Variants in CDH18 observed in about 807,000 individuals in gnomAD.
CDH18 encodes cadherin-18.
A neutral mutation model predicts 67.9 loss-of-function variants in CDH18; 31 were observed. The observed-to-expected ratio is 0.46, with a 90% confidence interval of 0.34 to 0.62. The LOEUF (loss-of-function observed/expected upper bound fraction) is 0.62, where lower values mean the gene tolerates loss of function less well. Ranked by LOEUF, CDH18 falls within the 20% of genes least tolerant of loss-of-function variation. CDH18 has a pLI of 0.01. For missense variants in CDH18, 890 were observed against 975.5 expected (o/e 0.91, Z 1.17); for synonymous variants, 362 against 347.2 (o/e 1.04, Z -0.48).
At chr5:20,447,313 C>G (rs1312601019) in intron 1 of CDH18, among the ~76,000 whole-genome samples, 1 of 151,540 alleles carries the variant, frequency 6.6e-6, no homozygotes, top group Non-Finnish European at 1.5e-5. Flanking sequence ...TATTAAGAGG[C>G]GAAGCCTTTA....
intron 4 of CDH18, among the ~76,000 whole-genome samples, chr5:19,726,888 AG>A (rs1766915164): frequency 6.6e-6 from 1 of 152,114 alleles, no homozygotes; most frequent in Non-Finnish European, 1.5e-5. Context: ...CTTTATTAAG[AG>A]ATTAGTAACT....
chr5:19,851,850 T>C (rs1281084928), intron 2 of CDH18, among the ~76,000 whole-genome samples: 2 of 151,846 alleles, frequency 1.3e-5, no homozygotes, highest in Non-Finnish European at 2.9e-5. Context: ...ACTTAAAATC[T>C]GTGTGTTTAA....
intron 2 of CDH18, among the ~76,000 whole-genome samples, chr5:20,106,634 T>A (rs1471864386): frequency 2.6e-5 from 4 of 152,216 alleles, no homozygotes; most frequent in African/African-American, 9.6e-5. Flanking sequence ...TGGAAACAAC[T>A]TGTAATACCT....
At chr5:20,123,886 C>CAAA (rs11292634) in intron 2 of CDH18, among the ~76,000 whole-genome samples, 32 of 87,224 alleles carry the variant, frequency 3.7e-4, no homozygotes, top group African/African-American at 1.1e-3. Flanking sequence ...GACTCCGTCT[C>CAAA]AAAAAAAAAA....
chr5:19,814,785 T>A (rs1581473258), intron 3 of CDH18, among the ~76,000 whole-genome samples: 1 of 151,462 alleles, frequency 6.6e-6, no homozygotes, highest in African/African-American at 2.4e-5. Context: ...GAAAAAAAAA[T>A]GTTTCCAAAT....
At chr5:20,161,854 A>T (rs1735914266) in intron 2 of CDH18, among the ~76,000 whole-genome samples, 1 of 152,154 alleles carries the variant, frequency 6.6e-6, no homozygotes, top group African/African-American at 2.4e-5. Flanking sequence ...ATAATTGCAC[A>T]TTTGGAATTT....
intron 1 of CDH18, among the ~76,000 whole-genome samples, chr5:20,457,177 C>T (rs778865904): frequency 4.6e-5 from 7 of 152,052 alleles, no homozygotes; most frequent in African/African-American, 9.7e-5. Flanking sequence ...ACTATTGAAA[C>T]GGTGTCACAG....
chr5:20,096,647 A>G (rs1213864732), intron 2 of CDH18, among the ~76,000 whole-genome samples: 1 of 152,144 alleles, frequency 6.6e-6, no homozygotes, highest in African/African-American at 2.4e-5. Context: ...ATTCACTTAA[A>G]AATTAGAAGT....
intron 3 of CDH18, among the ~76,000 whole-genome samples, chr5:19,779,820 C>T (rs1774889888): frequency 1.3e-5 from 2 of 152,222 alleles, no homozygotes; most frequent in Admixed American, 6.5e-5. Context: ...GACTAGCAGT[C>T]TCTCATCAGG....
chr5:20,039,762 A>G (rs1157289288), intron 2 of CDH18, among the ~76,000 whole-genome samples: 3 of 152,214 alleles, frequency 2.0e-5, no homozygotes, highest in Non-Finnish European at 4.4e-5. Flanking sequence ...AAACCTAGGC[A>G]ATACCATTCA....
At chr5:20,304,376 T>G (rs1736230224) in intron 1 of CDH18, 1 of 1,470,526 alleles carries the variant, frequency 6.8e-7, no homozygotes. Flanking sequence ...CTTTTTGGAG[T>G]AAAAAGCATC....
At chr5:20,076,873 G>C (rs1743990274) in intron 2 of CDH18, among the ~76,000 whole-genome samples, 1 of 151,116 alleles carries the variant, frequency 6.6e-6, no homozygotes, top group Non-Finnish European at 1.5e-5. Context: ...AATATAAAGA[G>C]ATTTTTGAAA....
At chr5:19,602,909 G>T (rs970991842) in intron 6 of CDH18, among the ~76,000 whole-genome samples, 1 of 152,072 alleles carries the variant, frequency 6.6e-6, no homozygotes, top group South Asian at 2.1e-4. Flanking sequence ...AGGGTGCAGT[G>T]AGCCAAGATC....
chr5:19,967,101 A>T (rs1007216145), intron 2 of CDH18, among the ~76,000 whole-genome samples: 1 of 152,000 alleles, frequency 6.6e-6, no homozygotes, highest in African/African-American at 2.4e-5. Context: ...AAAAGAAAAA[A>T]ATGTAAAAAA....
At chr5:20,043,994 A>T (rs559082049) in intron 2 of CDH18, among the ~76,000 whole-genome samples, 1 of 152,308 alleles carries the variant, frequency 6.6e-6, no homozygotes, top group South Asian at 2.1e-4. Context: ...AATGATGGCA[A>T]ATTTGGATAA....
At chr5:20,246,656 T>C (rs568210736) in intron 2 of CDH18, among the ~76,000 whole-genome samples, 49 of 152,308 alleles carry the variant, frequency 3.2e-4, no homozygotes, top group Non-Finnish European at 5.9e-4. Flanking sequence ...TCAACCATGA[T>C]GCATTTATGG....
chr5:19,804,301 CAA>C (rs72249900), intron 3 of CDH18, among the ~76,000 whole-genome samples: 3 of 125,366 alleles, frequency 2.4e-5, no homozygotes, highest in African/African-American at 5.5e-5. Flanking sequence ...GATTCCATCT[CAA>C]AAAAAAAAAA....
chr5:19,728,418 T>C (rs1245836543), intron 4 of CDH18, among the ~76,000 whole-genome samples: 1 of 152,200 alleles, frequency 6.6e-6, no homozygotes, highest in Non-Finnish European at 1.5e-5. Context: ...TGATGTTTTA[T>C]ACAAATCTGA....
chr5:19,971,485 A>G (rs1798010474), intron 2 of CDH18, among the ~76,000 whole-genome samples: 1 of 152,112 alleles, frequency 6.6e-6, no homozygotes, highest in Admixed American at 6.6e-5. Context: ...TTTGTTTAAA[A>G]GAATGAAAGG....
Sources: allele counts gnomAD v4.1 joint callset (sites outside exome capture counted in the v4.1 genomes callset), GRCh38; gene constraint gnomAD v4.1.1; transcripts MANE v1.5; gene names NCBI Gene and HGNC (gene_info 2026-07-23, HGNC 2026-07-21).